Variants in DNAH3 observed in about 807,000 individuals in gnomAD.
DNAH3 encodes dynein axonemal heavy chain 3.
A neutral mutation model predicts 432.5 loss-of-function variants in DNAH3; 332 were observed. That is an observed-to-expected ratio of 0.77 (90% CI 0.70 to 0.84). The LOEUF (loss-of-function observed/expected upper bound fraction) is 0.84, where lower values mean the gene tolerates loss of function less well. Ranked by LOEUF, DNAH3 falls within the 40% of genes least tolerant of loss-of-function variation. DNAH3 has a pLI of 0.00. For synonymous variants in DNAH3, 1,956 were observed against 1,900.2 expected (o/e 1.03, Z -0.76); for missense variants, 4,861 against 5,114.0 (o/e 0.95, Z 1.51).
exon 48 of DNAH3, chr16:20,985,222 ATGT>A: frequency 6.2e-7 from 1 of 1,614,150 alleles, no homozygotes; most frequent in Non-Finnish European, 8.5e-7. Flanking sequence ...GTTCAGAAGC[ATGT>A]TGATGTCCTC....
chr16:20,950,307 C>T (rs559055832), intron 56 of DNAH3, among the ~76,000 whole-genome samples: 2 of 152,330 alleles, frequency 1.3e-5, no homozygotes, highest in South Asian at 4.1e-4. Flanking sequence ...AACAGTCTTT[C>T]AACCTTGGCA....
At chr16:21,041,533 T>C (rs1284346029) in intron 32 of DNAH3, among the ~76,000 whole-genome samples, 1 of 152,162 alleles carries the variant, frequency 6.6e-6, no homozygotes. Context: ...CCAGTCAGAA[T>C]GCATTAGTAA....
At chr16:20,989,666 G>C (rs555822508) in intron 44 of DNAH3, among the ~76,000 whole-genome samples, 7 of 152,370 alleles carry the variant, frequency 4.6e-5, no homozygotes, top group Non-Finnish European at 1.0e-4. Flanking sequence ...TTGGGTGGTC[G>C]ATGGGACTGG....
At position 21,021,309 on chromosome 16, in the gene DNAH3, A is replaced by C. The variant is rs532036454; in HGVS notation, c.5776+662T>G. On this transcript the variant is annotated intron_variant, in intron 40 of 61. Transcript: ENST00000261383. ...TTACTTTTTTGTTTTTTTGGAAATT[A>C]ATCTCTTATCAGAGAGGAGGTAAGA... is the stretch of plus-strand genomic sequence containing the variant. Among the ~76,000 whole-genome samples, 12 of 152,262 alleles carry C rather than the reference A, an allele frequency of 7.9e-5. No homozygotes were observed. The South Asian group carries it at 2.5e-3, about 32-fold the overall frequency.
chr16:20,952,384 G>A (rs1229066254), intron 56 of DNAH3, 49 bp downstream of exon 56: 1 of 1,137,848 alleles, frequency 8.8e-7, no homozygotes, highest in African/African-American at 1.5e-5. Context: ...GCAGGAGGGT[G>A]GAACATGATA....
At chr16:21,076,139 C>G (rs986873255) in intron 20 of DNAH3, among the ~76,000 whole-genome samples, 1 of 151,980 alleles carries the variant, frequency 6.6e-6, no homozygotes, top group Non-Finnish European at 1.5e-5. Context: ...AATTCTAACC[C>G]CTAATATCTT....
intron 57 of DNAH3, among the ~76,000 whole-genome samples, chr16:20,945,817 T>C (rs1302783882): frequency 6.6e-6 from 1 of 152,134 alleles, no homozygotes. Context: ...TAACTTGCTT[T>C]TGTTGTACTC....
intron 51 of DNAH3, among the ~76,000 whole-genome samples, chr16:20,973,959 AT>A (rs2085460355): frequency 6.6e-6 from 1 of 152,204 alleles, no homozygotes; most frequent in African/African-American, 2.4e-5. Context: ...GGAGACCAAC[AT>A]GGCCAGAGTA....
intron 1 of DNAH3, among the ~76,000 whole-genome samples, chr16:21,152,872 GCCTCCCACCC>G (rs1161155306): frequency 6.6e-6 from 1 of 152,242 alleles, no homozygotes; most frequent in Admixed American, 6.5e-5. Context: ...CCATGCCTGA[GCCTCCCACCC>G]CCTCCGTGGG....
intron 36 of DNAH3, among the ~76,000 whole-genome samples, chr16:21,032,080 A>G (rs1206869133): frequency 1.3e-5 from 2 of 151,876 alleles, no homozygotes; most frequent in African/African-American, 4.8e-5. Flanking sequence ...CTGCCCTCAC[A>G]GAACTCAAGC....
intron 3 of DNAH3, 102 bp from the exon 5 acceptor site, chr16:21,141,474 G>C (rs1196444565): frequency 2.2e-5 from 18 of 815,582 alleles, no homozygotes; most frequent in African/African-American, 1.0e-4. Context: ...AGCACACTAA[G>C]GGGAGCGGAC....
intron 5 of DNAH3, among the ~76,000 whole-genome samples, chr16:21,138,893 A>T (rs7189996): frequency 0.47 from 71,434 of 151,734 alleles, 17,337 homozygotes; most frequent in East Asian, 0.69. Flanking sequence ...CTGTAGCCCT[A>T]AGCACATTGC....
chr16:21,005,207 CTCTCTCCTTCTG>C (rs964930364), intron 41 of DNAH3, among the ~76,000 whole-genome samples: 4 of 149,906 alleles, frequency 2.7e-5, no homozygotes, highest in Admixed American at 6.7e-5. Flanking sequence ...CCCTCCTTCC[CTCTCTCCTTCTG>C]TATTTCCTTC....
rs756826476 is a variant in DNAH3 at position 20,936,763 on chromosome 16, A to G, written c.11745T>C (p.Phe3915=). Residue 3915 remains phenylalanine, a synonymous_variant, in exon 60 of 62, where the codon TTT becomes TTC. Transcript: ENST00000261383. ...GCACTTTACCCACAAGCATGCTGTT[A>G]AAGACTTCCTCTAGCTCCGAGGACA... 3 of 1,613,422 alleles carry G rather than the reference A, an allele frequency of 1.9e-6. No homozygotes were observed. In the South Asian group the frequency reaches 3.3e-5, roughly 18 times the overall value.
intron 41 of DNAH3, among the ~76,000 whole-genome samples, chr16:21,018,488 C>T (rs1428347032): frequency 6.6e-6 from 1 of 152,148 alleles, no homozygotes; most frequent in Non-Finnish European, 1.5e-5. Context: ...TTAGAAGAAG[C>T]ATCTTCCTTA....
intron 6 of DNAH3, among the ~76,000 whole-genome samples, 186 bp from the exon 8 acceptor site, chr16:21,134,640 G>T (rs749023584): frequency 6.6e-6 from 1 of 152,104 alleles, no homozygotes; most frequent in Non-Finnish European, 1.5e-5. Flanking sequence ...TTACAGGCAT[G>T]AGTTGCTATG....
chr16:21,108,815 T>C (rs1033713505), intron 14 of DNAH3, among the ~76,000 whole-genome samples: 1 of 151,452 alleles, frequency 6.6e-6, no homozygotes, highest in African/African-American at 2.4e-5. Context: ...ACCCATATCC[T>C]ATAGGCAAAG....
At chr16:20,944,513 T>A (rs766541623) in exon 58 of DNAH3, 1 of 1,614,036 alleles carries the variant, frequency 6.2e-7, no homozygotes, top group Non-Finnish European at 8.5e-7. Context: ...GACTTGCCAC[T>A]TCCTCCTGAC....
chr16:21,062,719 T>G, intron 24 of DNAH3, 36 bp from the exon 25 acceptor site: 1 of 1,568,130 alleles, frequency 6.4e-7, no homozygotes, highest in African/African-American at 1.4e-5. Context: ...AACTGGAACC[T>G]CTTCCAAGAA....
Sources: gnomAD v4.1 joint callset for allele counts (sites outside exome capture counted in the v4.1 genomes callset) on GRCh38, gnomAD v4.1.1 for gene constraint, MANE v1.5 for transcripts, NCBI Gene and HGNC (gene_info 2026-07-23, HGNC 2026-07-21) for gene names.